COL26A1: variants seen among roughly 807,000 people sequenced by gnomAD.
COL26A1 encodes the protein collagen type XXVI alpha 1 chain.
In COL26A1, 41 loss-of-function variants were observed where a neutral mutation model predicts 59.3. That is an observed-to-expected ratio of 0.69 (90% CI 0.54 to 0.90). The LOEUF (loss-of-function observed/expected upper bound fraction) is 0.90, where lower values mean the gene tolerates loss of function less well. Among genes scored for constraint, COL26A1 ranks in the 40% least tolerant of loss-of-function variants. The probability of loss-of-function intolerance (pLI) is 0.00; values close to 1 mark genes in which losing one functional copy is unlikely to be tolerated. For synonymous variants in COL26A1, 266 were observed against 256.0 expected, an observed-to-expected ratio of 1.04 and a Z score of -0.37; for missense variants, 612 against 602.3, an observed-to-expected ratio of 1.02 and a Z score of -0.17.
At chr7:101,448,498 CT>C (rs113067857) in intron 3 of COL26A1, among the ~76,000 whole-genome samples, 270 of 145,720 alleles carry the variant, frequency 1.9e-3, no homozygotes, top group Middle Eastern at 3.5e-3. Context: ...TCTTCTTTTT[CT>C]TTTTTTTTTT....
intron 2 of COL26A1, among the ~76,000 whole-genome samples, chr7:101,425,921 G>A (rs1296492061): frequency 2.0e-5 from 3 of 151,434 alleles, no homozygotes; most frequent in African/African-American, 4.9e-5. Flanking sequence ...CTGCTTCCCG[G>A]GTTCAAGCGA....
chr7:101,363,676 TCTGGCCGCGCCC>T (rs1790966234), intron 1 of COL26A1, among the ~76,000 whole-genome samples: 1 of 151,544 alleles, frequency 6.6e-6, no homozygotes. Flanking sequence ...TGCGGTGGTC[TCTGGCCGCGCCC>T]ACCCTGTCCC....
intron 1 of COL26A1, among the ~76,000 whole-genome samples, chr7:101,409,128 A>G (rs1401216348): frequency 6.6e-6 from 1 of 151,862 alleles, no homozygotes; most frequent in Non-Finnish European, 1.5e-5. Context: ...TTGCTTAGGT[A>G]GCAGAATGAG....
At chr7:101,391,442 C>G (rs1462105864) in intron 1 of COL26A1, among the ~76,000 whole-genome samples, 1 of 152,226 alleles carries the variant, frequency 6.6e-6, no homozygotes, top group Non-Finnish European at 1.5e-5. Flanking sequence ...TGGATGACAG[C>G]TGGAGCCAGG....
intron 1 of COL26A1, among the ~76,000 whole-genome samples, chr7:101,392,309 C>T (rs1169463230): frequency 6.6e-6 from 1 of 152,022 alleles, no homozygotes; most frequent in Non-Finnish European, 1.5e-5. Flanking sequence ...TCCTGCCCCC[C>T]AGCTATAGGC....
At chr7:101,481,883 G>T (rs187627589) in intron 3 of COL26A1, among the ~76,000 whole-genome samples, 2 of 152,162 alleles carry the variant, frequency 1.3e-5, no homozygotes, top group East Asian at 3.9e-4. Context: ...TTAGACAGTG[G>T]GAATATTGTC....
At chr7:101,555,548 G>A (rs1217180086) in intron 11 of COL26A1, among the ~76,000 whole-genome samples, 7 of 152,184 alleles carry the variant, frequency 4.6e-5, no homozygotes, top group Non-Finnish European at 8.8e-5. Flanking sequence ...CTGTGTGGCC[G>A]TGGGGAGGTT....
chr7:101,414,386 C>T (rs1057267437), intron 1 of COL26A1, among the ~76,000 whole-genome samples: 2 of 145,114 alleles, frequency 1.4e-5, no homozygotes, highest in Non-Finnish European at 3.0e-5. Context: ...AGTCACCTCT[C>T]TCTCTCTCTC....
chr7:101,553,634 C>T (rs1795907042), intron 11 of COL26A1, among the ~76,000 whole-genome samples: 1 of 152,086 alleles, frequency 6.6e-6, no homozygotes, highest in Non-Finnish European at 1.5e-5. Context: ...CTTGGGGGGG[C>T]TTCCCGGGAC....
At chr7:101,367,664 CAAAAAAGAAAAAAAAAAA>C (rs1254514093) in intron 1 of COL26A1, among the ~76,000 whole-genome samples, 17 of 93,074 alleles carry the variant, frequency 1.8e-4, no homozygotes, top group African/African-American at 7.3e-4. Context: ...GACTCTGTCT[CAAAAAAGAAAAAAAAAAA>C]AAAAAAGAAG....
chr7:101,425,085 G>A (rs1402029289), intron 2 of COL26A1, among the ~76,000 whole-genome samples: 1 of 151,826 alleles, frequency 6.6e-6, no homozygotes. Context: ...ACCATGCCCA[G>A]TTAATTTAAA....
intron 2 of COL26A1, among the ~76,000 whole-genome samples, chr7:101,446,245 T>C (rs976827750): frequency 2.0e-5 from 3 of 152,142 alleles, no homozygotes; most frequent in African/African-American, 7.2e-5. Context: ...CATTTCAACC[T>C]GAGATCTGGA....
At chr7:101,438,969 C>T (rs1353685633) in intron 2 of COL26A1, among the ~76,000 whole-genome samples, 2 of 152,184 alleles carry the variant, frequency 1.3e-5, no homozygotes, top group East Asian at 1.9e-4. Context: ...TGAGCCACAG[C>T]GCCCAGCCCC....
chr7:101,517,200 A>G (rs1316910814), intron 3 of COL26A1, among the ~76,000 whole-genome samples: 3 of 152,192 alleles, frequency 2.0e-5, no homozygotes, highest in Non-Finnish European at 2.9e-5. Flanking sequence ...GCCACCAAGC[A>G]GGTAGCTTCC....
At chr7:101,530,832 G>A (rs1311439053) in intron 3 of COL26A1, among the ~76,000 whole-genome samples, 1 of 152,160 alleles carries the variant, frequency 6.6e-6, no homozygotes, top group Non-Finnish European at 1.5e-5. Context: ...GGGTTTGCAA[G>A]GCTGGCTGGT....
intron 3 of COL26A1, among the ~76,000 whole-genome samples, chr7:101,510,114 T>C (rs1794893306): frequency 6.7e-6 from 1 of 150,100 alleles, no homozygotes; most frequent in Non-Finnish European, 1.5e-5. Context: ...CTCCAATTCC[T>C]GGACTCAAGT....
intron 1 of COL26A1, among the ~76,000 whole-genome samples, chr7:101,390,202 G>C (rs1791696234): frequency 8.1e-6 from 1 of 123,156 alleles, no homozygotes; most frequent in South Asian, 2.8e-4. Flanking sequence ...CTGTCATCCA[G>C]GCTAGGGTGC....
intron 2 of COL26A1, among the ~76,000 whole-genome samples, chr7:101,445,987 G>A (rs1275383614): frequency 7.1e-6 from 1 of 141,570 alleles, no homozygotes. Context: ...GGCGGAGGTT[G>A]CAGTGAGCCG....
At chr7:101,489,842 CTTTCTTTCTTTCTTT>C (rs1563008258) in intron 3 of COL26A1, among the ~76,000 whole-genome samples, 18 of 20,768 alleles carry the variant, frequency 8.7e-4, no homozygotes, top group Admixed American at 1.8e-3. Flanking sequence ...TTCTTTCTTT[CTTTCTTTCTTTCTTT>C]CTTTCTTTCT....
Sources: allele counts gnomAD v4.1 joint callset (sites outside exome capture counted in the v4.1 genomes callset), GRCh38; gene constraint gnomAD v4.1.1; transcripts MANE v1.5; gene names NCBI Gene and HGNC (gene_info 2026-07-23, HGNC 2026-07-21).